The following CFAP58 variants were observed in gnomAD, a reference collection of about 807,000 sequenced individuals.
CFAP58 encodes cilia and flagella associated protein 58.
A neutral mutation model predicts 119.5 loss-of-function variants in CFAP58; 88 were observed. The ratio of observed to expected loss-of-function variants is 0.74; its 90% CI spans 0.62 to 0.88. The LOEUF is 0.88. CFAP58 is among the 40% of genes least tolerant of loss of function. CFAP58 has a pLI of 0.00. For synonymous variants in CFAP58, 365 were observed against 366.3 expected (o/e 1.00, Z 0.04); for missense variants, 990 against 1,021.2 (o/e 0.97, Z 0.42).
chr10:104,439,045 A>C (rs2012991420), intron 15 of CFAP58, among the ~76,000 whole-genome samples: 2 of 152,258 alleles, frequency 1.3e-5, no homozygotes, highest in South Asian at 4.1e-4. Flanking sequence ...ATTTTCATAA[A>C]GCTCAAAGCA....
rs1326139470 is a variant in CFAP58, at chr10:104,357,978, C to CACAT, written c.10-362_10-361insCATA. Among the ~76,000 whole-genome samples the CACAT allele has an allele frequency of 1.4e-3, 191 of 139,584 alleles. 3 individuals carry two copies. The East Asian group carries it at 0.026, about 19-fold the overall frequency. The allele number at this position is 139,584 out of a possible 152,430, so 91.6% of individuals were successfully genotyped here. A position where few individuals can be genotyped will look rare whatever the true frequency, so the allele number is the denominator to read the frequency against. ...ATACACATATATGTACACATATGTA[C>CACAT]ATATGTACACATATATGTACACATA... On this transcript the variant is annotated intron_variant, in intron 1 of 17. Transcript: ENST00000369704.
In CFAP58 at chr10:104,353,857, C is replaced by A; in HGVS notation, c.-41C>A. 1 of 1,604,286 alleles carries A rather than the reference C, an allele frequency of 6.2e-7. No individual in the cohort carries two copies. Among genetic ancestry groups the A allele is most frequent in the Non-Finnish European group, 8.5e-7 (1 of 1,172,612 alleles). On this transcript the variant is annotated 5_prime_UTR_variant, in exon 1 of 18. Transcript: ENST00000369704. ...CAGACTCCGGCCCAGCTCCTGCGAT[C>A]TCCACAGCAGCCTCTGAGGCCGCCC...
At chr10:104,426,748 T>C (rs1326333369) in intron 15 of CFAP58, among the ~76,000 whole-genome samples, 1 of 152,196 alleles carries the variant, frequency 6.6e-6, no homozygotes, top group African/African-American at 2.4e-5. Flanking sequence ...ATTGCCGGCA[T>C]GTTGAGAGCT....
At chr10:104,339,002 G>A in the CFAP58 span, among the ~76,000 whole-genome samples, 2 of 149,352 alleles carry the variant, frequency 1.3e-5, no homozygotes, top group Admixed American at 6.7e-5. Flanking sequence ...TCCGCCTCCC[G>A]GGTTCGAGCG....
At chr10:104,443,037 A>C (rs2013063489) in intron 15 of CFAP58, among the ~76,000 whole-genome samples, 1 of 152,236 alleles carries the variant, frequency 6.6e-6, no homozygotes, top group Non-Finnish European at 1.5e-5. Flanking sequence ...GAAATTATTA[A>C]GCTTCCTCAA....
intron 9 of CFAP58, among the ~76,000 whole-genome samples, chr10:104,381,953 G>A (rs1295271805): frequency 6.6e-6 from 1 of 152,202 alleles, no homozygotes; most frequent in Non-Finnish European, 1.5e-5. Flanking sequence ...GTCAATTTAG[G>A]CCCTGGTATT....
intron 15 of CFAP58, among the ~76,000 whole-genome samples, chr10:104,441,938 T>C (rs1283500958): frequency 2.0e-5 from 3 of 152,212 alleles, no homozygotes; most frequent in African/African-American, 7.2e-5. Flanking sequence ...GTATTAGGCA[T>C]TATTTTTTCT....
At chr10:104,392,121 C>G (rs1476282245) in intron 9 of CFAP58, 112 bp from the exon 10 acceptor site, 1 of 880,330 alleles carries the variant, frequency 1.1e-6, no homozygotes, top group African/African-American at 1.7e-5. Flanking sequence ...GTCAGATTTT[C>G]TGATTACTGG....
At chr10:104,417,538 C>T (rs141093718) in intron 15 of CFAP58, among the ~76,000 whole-genome samples, 1 of 152,230 alleles carries the variant, frequency 6.6e-6, no homozygotes, top group East Asian at 1.9e-4. Context: ...CTCTTGAAGG[C>T]TATTGACATT....
intron 7 of CFAP58, among the ~76,000 whole-genome samples, chr10:104,375,984 A>ATT (rs1564883990): frequency 2.0e-5 from 3 of 152,096 alleles, no homozygotes; most frequent in African/African-American, 4.8e-5. Flanking sequence ...AATGTTTCTT[A>ATT]TTGGACCTAA....
intron 7 of CFAP58, among the ~76,000 whole-genome samples, chr10:104,374,047 G>T (rs77068483): frequency 0.01 from 1,591 of 152,314 alleles, 36 homozygotes; most frequent in African/African-American, 0.037. Flanking sequence ...AGCCAAGATT[G>T]AGAGATTAAA....
At chr10:104,409,407 A>G (rs2012422937) in intron 15 of CFAP58, among the ~76,000 whole-genome samples, 1 of 152,182 alleles carries the variant, frequency 6.6e-6, no homozygotes, top group Non-Finnish European at 1.5e-5. Flanking sequence ...TTTGTGACCA[A>G]CTAAGTGGTC....
chr10:104,394,492 A>G (rs113301621), intron 11 of CFAP58, among the ~76,000 whole-genome samples: 4 of 152,340 alleles, frequency 2.6e-5, no homozygotes, highest in African/African-American at 9.6e-5. Context: ...CATATTTTCT[A>G]GATTCTAAGA....
At chr10:104,345,120 C>T in the CFAP58 span, among the ~76,000 whole-genome samples, 5 of 151,898 alleles carry the variant, frequency 3.3e-5, no homozygotes, top group South Asian at 8.3e-4. Context: ...GCACTCCAGC[C>T]TGGGCGACAG....
chr10:104,421,694 C>T (rs1009455721), intron 15 of CFAP58, among the ~76,000 whole-genome samples: 1 of 152,192 alleles, frequency 6.6e-6, no homozygotes, highest in Non-Finnish European at 1.5e-5. Flanking sequence ...TCCAAGCTCA[C>T]TCATATTGCT....
chr10:104,353,897 G>T lies in CFAP58; in HGVS notation c.-1G>T. The T allele has an allele frequency of 1.2e-6, 2 of 1,613,450 alleles. No homozygotes were observed. The highest frequency in any genetic ancestry group is 1.7e-6 in the Non-Finnish European group (2 of 1,179,428). On this transcript the variant is annotated 5_prime_UTR_variant, in exon 1 of 18. Coordinates refer to ENST00000369704, the MANE Select transcript of CFAP58 (RefSeq NM_001008723.2). ...TGAGGCCGCCCCCAGAGAGCATCAG[G>T]ATGGCTGAGGTCAGGAGTCAGCGCC...
chr10:104,388,801 T>C (rs2133026266), intron 9 of CFAP58, among the ~76,000 whole-genome samples: 1 of 152,304 alleles, frequency 6.6e-6, no homozygotes, highest in East Asian at 1.9e-4. Context: ...CTTATTTCTA[T>C]TGGCAGGTTG....
chr10:104,367,887 C>A (rs112546167), intron 5 of CFAP58, among the ~76,000 whole-genome samples: 27 of 152,332 alleles, frequency 1.8e-4, no homozygotes, highest in African/African-American at 6.3e-4. Context: ...TGCACTCAAG[C>A]AGATATAAAT....
intron 9 of CFAP58, among the ~76,000 whole-genome samples, chr10:104,390,195 G>A (rs1036086581): frequency 2.6e-4 from 40 of 152,180 alleles, no homozygotes; most frequent in African/African-American, 9.4e-4. Flanking sequence ...CCTGTAGCAT[G>A]GTTCAGAGTG....
Sources: allele counts gnomAD v4.1 joint callset (sites outside exome capture counted in the v4.1 genomes callset), GRCh38; gene constraint gnomAD v4.1.1; transcripts MANE v1.5; gene names NCBI Gene and HGNC (gene_info 2026-07-23, HGNC 2026-07-21).